Variants in ZNF630 observed in about 807,000 individuals in gnomAD.
ZNF630 encodes the protein zinc finger protein 630.
A neutral mutation model predicts 7.2 loss-of-function variants in ZNF630; 5 were observed. The ratio of observed to expected loss-of-function variants is 0.70; its 90% CI spans 0.36 to 1.46. ZNF630 has a LOEUF of 1.46. Among genes scored for constraint, ZNF630 ranks in the 40% most tolerant of loss-of-function variants. ZNF630 has a pLI of 0.03. For missense variants in ZNF630, 461 were observed against 477.0 expected (o/e 0.97, Z 0.31); for synonymous variants, 158 against 162.8 (o/e 0.97, Z 0.23).
Position 48,058,344 on chromosome X carries a change from T to G in ZNF630, c.*124A>C, listed in dbSNP as rs1286067014. ...CTAAGCAGATCATTCTGTGGAAGGG[T>G]AATCATGTATACTGAGGAACATATT... On this transcript the variant is annotated 3_prime_UTR_variant, in exon 5 of 5. Coordinates refer to ENST00000276054, the MANE Select transcript of ZNF630 (RefSeq NM_001282201.2). 3.1e-6 allele frequency: 2 copies of G among 644,308 alleles called. No homozygotes were observed. The highest frequency in any genetic ancestry group is 4.4e-6 in the Non-Finnish European group (2 of 450,750). 53.1% of individuals were successfully genotyped at this position (644,308 alleles called of 1,213,427 possible).
chrX:48,059,512 C>G lies in ZNF630; in HGVS notation c.930G>C (p.Gln310His), dbSNP rs1556908658. Residue 310 changes from glutamine (Q) to histidine (H), a missense_variant, in exon 5 of 5, where the codon CAG becomes CAC. Coordinates refer to ENST00000276054, the MANE Select transcript of ZNF630 (RefSeq NM_001282201.2). ...FSEKSHLIVH[Q>H]RIHTGEKPYE... ...AGGGTTTCTCCCCAGTATGAATCCT[C>G]TGATGCACAATGAGGTGTGATTTCT... is the stretch of plus-strand genomic sequence containing the variant. The G allele has an allele frequency of 8.3e-7, 1 of 1,206,472 alleles. No homozygotes were observed. Among genetic ancestry groups the G allele is most frequent in the African/African-American group, 1.8e-5 (1 of 56,753 alleles).
chrX:48,065,465 G>A (rs1321279794), intron 2 of ZNF630, among the ~76,000 whole-genome samples: 5 of 90,250 alleles, frequency 5.5e-5, no homozygotes, highest in African/African-American at 1.9e-4. Context: ...AAGAGAGAGA[G>A]AGAGAGAGAG....
In ZNF630 at chrX:48,059,832, T is replaced by C; in HGVS notation, c.610A>G (p.Thr204Ala). The C allele has an allele frequency of 8.3e-7, 1 of 1,208,490 alleles. No individual in the cohort carries two copies. Among genetic ancestry groups the C allele is most frequent in the South Asian group, 1.8e-5 (1 of 56,901 alleles). The change falls in exon 5 of 5, where the codon ACT (threonine) becomes GCT (alanine). Residue 204 changes from threonine (T) to alanine (A), a missense_variant. By Grantham distance (58) the Thr-to-Ala change is moderately conservative. Coordinates refer to ENST00000276054, the MANE Select transcript of ZNF630 (RefSeq NM_001282201.2). The part of the protein sequence containing the change: ...YNRSYARKNP[T>A]KRFRCGRPPK... ...GGTCTCCCACATCTAAATCTCTTAGTGGGGTTCTTTCTTGCATAGCTCCTG... is the reference window on the plus strand; with the variant it reads ...GGTCTCCCACATCTAAATCTCTTAGCGGGGTTCTTTCTTGCATAGCTCCTG...
chrX:48,059,480 C>A lies in ZNF630; in HGVS notation c.962G>T (p.Cys321Phe). 1 of 1,208,223 alleles carries A rather than the reference C, an allele frequency of 8.3e-7. No individual in the cohort carries two copies. The highest frequency in any genetic ancestry group is 1.1e-6 in the Non-Finnish European group (1 of 893,271). Residue 321 changes from cysteine to phenylalanine, a missense_variant, in exon 5 of 5, where the codon TGT (cysteine) becomes TTT (phenylalanine). Coordinates refer to ENST00000276054, the MANE Select transcript of ZNF630 (RefSeq NM_001282201.2). The stretch of plus-strand genomic sequence containing the variant: ...GGAGAATGCTCTTCCATACTTAGTA[C>A]ATTCATAGGGTTTCTCCCCAGTATG... ...RIHTGEKPYE[C>F]TKYGRAFSRK...
rs999450661 is a variant in ZNF630 at position 48,060,680 on chromosome X, A to G, written c.143-135T>C. 6 of 920,470 alleles carry G rather than the reference A, an allele frequency of 6.5e-6. No individual in the cohort carries two copies. The African/African-American group carries it at 1.2e-4, about 19-fold the overall frequency. The allele number at this position is 920,470 out of a possible 1,213,427, so 75.9% of individuals were successfully genotyped here. On this transcript the variant is annotated intron_variant, in intron 3 of 4. Coordinates refer to ENST00000276054, the MANE Select transcript of ZNF630 (RefSeq NM_001282201.2). The stretch of plus-strand genomic sequence containing the variant: ...CATAAAAATAAATTCTAGATATAAC[A>G]AAAGTATAAACATGAAAAACCAAAA...
At chrX:48,069,081 A>T (rs1338427850) in intron 1 of ZNF630, among the ~76,000 whole-genome samples, 2 of 109,957 alleles carry the variant, frequency 1.8e-5, no homozygotes, top group Admixed American at 9.7e-5. Flanking sequence ...TTCTACAAAA[A>T]ATAAACAAAA....
intron 3 of ZNF630, 31 bp from the exon 4 acceptor site, chrX:48,060,576 C>A (rs781946130): frequency 8.7e-7 from 1 of 1,144,263 alleles, no homozygotes. Flanking sequence ...TGGCTTTGGC[C>A]TTGGCAGCTC....
intron 2 of ZNF630, among the ~76,000 whole-genome samples, chrX:48,065,465 G>GAC (rs2059126261): frequency 2.2e-5 from 2 of 90,250 alleles, no homozygotes; most frequent in Non-Finnish European, 4.5e-5. Flanking sequence ...AAGAGAGAGA[G>GAC]AGAGAGAGAG....
chrX:48,063,265 CAAAAA>C (rs782317074), intron 2 of ZNF630, among the ~76,000 whole-genome samples: 1 of 30,152 alleles, frequency 3.3e-5, no homozygotes, highest in African/African-American at 1.1e-4. Context: ...ACTACCTGGC[CAAAAA>C]AAAAAAAAAA....
intron 2 of ZNF630, among the ~76,000 whole-genome samples, chrX:48,063,196 C>T (rs1358561466): frequency 9.4e-6 from 1 of 106,537 alleles, no homozygotes; most frequent in Non-Finnish European, 1.9e-5. Flanking sequence ...AAAATACCTT[C>T]CCTGAAGGAG....
chrX:48,058,766 A>C lies in ZNF630; in HGVS notation c.1676T>G (p.Ile559Ser). The C allele has an allele frequency of 8.3e-7, 1 of 1,206,324 alleles. No individual in the cohort carries two copies. Residue 559 changes from isoleucine to serine, a missense_variant, in exon 5 of 5, where the codon ATT becomes AGT. Transcript: ENST00000276054. ...TCCAGTATGACCTCTCTGATGTAGA[A>C]TGAGATGTGACTTCAGGGAAAAGGC... ...GRAFSLKSHL[I>S]LHQRGHTGEK... is the part of the protein sequence containing the mutation.
intron 2 of ZNF630, among the ~76,000 whole-genome samples, chrX:48,064,205 A>G (rs1281225507): frequency 9.0e-6 from 1 of 111,252 alleles, no homozygotes; most frequent in African/African-American, 3.3e-5. Context: ...AGTGCCTGGC[A>G]CATGATAAGC....
At chrX:48,061,696 A>T in intron 2 of ZNF630, 1 of 298,514 alleles carries the variant, frequency 3.3e-6, no homozygotes, top group Non-Finnish European at 6.4e-6. Flanking sequence ...CATAATAGTG[A>T]GTGAGTTCTC....
chrX:48,058,603 C>T lies in ZNF630; in HGVS notation c.1839G>A (p.Gln613=). The T allele has an allele frequency of 8.3e-7, 1 of 1,206,237 alleles. No individual in the cohort carries two copies. The highest frequency in any genetic ancestry group is 1.8e-5 in the South Asian group (1 of 56,370). ...ESGMTFFWKS[Q]MITYQRRHTG... The stretch of plus-strand genomic sequence containing the variant: ...TGTGTCTTCTCTGATATGTAATCAT[C>T]TGTGATTTCCAGAAAAAAGTCATTC... The change falls in exon 5 of 5, where the codon CAG becomes CAA. Residue 613 remains glutamine (Q), a synonymous_variant. Transcript: ENST00000276054.
intron 2 of ZNF630, among the ~76,000 whole-genome samples, chrX:48,063,181 T>C (rs1220948568): frequency 5.9e-5 from 6 of 101,897 alleles, no homozygotes; most frequent in African/African-American, 2.2e-4. Flanking sequence ...AAAAAAAACC[T>C]GGCAAAAATA....
At position 48,059,255 on chromosome X, in the gene ZNF630, G is replaced by A. The variant is rs782413856; in HGVS notation, c.1187C>T (p.Thr396Ile). The A allele has an allele frequency of 8.3e-7, 1 of 1,206,600 alleles. No individual in the cohort carries two copies. The highest frequency in any genetic ancestry group is 1.8e-5 in the African/African-American group (1 of 56,713). ...TTCATAGGGCTTCTTCCCAGTATGA[G>A]TTATCTGGTGTATAAAAAGGTGAGA... The part of the protein sequence containing the change: ...EMSHLFIHQI[T>I]HTGKKPYECT... Residue 396 changes from threonine to isoleucine, a missense_variant, in exon 5 of 5, where the codon ACT (threonine) becomes ATT (isoleucine). Thr to Ile is a moderately conservative substitution (Grantham distance 89). Transcript: ENST00000276054.
intron 2 of ZNF630, among the ~76,000 whole-genome samples, chrX:48,062,995 A>AG (rs1556909494): frequency 1.9e-4 from 20 of 104,656 alleles, no homozygotes; most frequent in African/African-American, 5.0e-4. Context: ...GGAGGGAGGG[A>AG]GGAAGGAAGG....
At chrX:48,064,535 T>C (rs2059120945) in intron 2 of ZNF630, among the ~76,000 whole-genome samples, 1 of 112,017 alleles carries the variant, frequency 8.9e-6, no homozygotes, top group Non-Finnish European at 1.9e-5. Context: ...CAGTCTTGAT[T>C]CACTGCAACC....
Position 48,059,226 on chromosome X carries a change from T to C in ZNF630, c.1216A>G (p.Thr406Ala). 9.1e-6 allele frequency: 11 copies of C among 1,208,710 alleles called. No individual in the cohort carries two copies. Among genetic ancestry groups the C allele is most frequent in the Non-Finnish European group, 1.2e-5 (11 of 893,249 alleles). ...CGAGGGAAGGTCTTCCCACATTCAG[T>C]ACATTCATAGGGCTTCTTCCCAGTA... ...THTGKKPYEC[T>A]ECGKTFPRKT... The change falls in exon 5 of 5, where the codon ACT becomes GCT. Residue 406 changes from threonine to alanine, a missense_variant. Thr to Ala is a moderately conservative substitution (Grantham distance 58). Coordinates refer to ENST00000276054, the MANE Select transcript of ZNF630 (RefSeq NM_001282201.2).
Sources: gnomAD v4.1 joint callset for allele counts (sites outside exome capture counted in the v4.1 genomes callset) on GRCh38, gnomAD v4.1.1 for gene constraint, MANE v1.5 for transcripts, NCBI Gene and HGNC (gene_info 2026-07-23, HGNC 2026-07-21) for gene names.